Variants in DPP10 observed in about 807,000 individuals in gnomAD.
DPP10 encodes the protein inactive dipeptidyl peptidase 10.
Under a neutral mutation model 120.9 loss-of-function variants are expected in DPP10, and 33 were observed. That is an observed-to-expected ratio of 0.27 (90% CI 0.21 to 0.37). The LOEUF (loss-of-function observed/expected upper bound fraction) is 0.37, where lower values mean the gene tolerates loss of function less well. DPP10 is among the 10% of genes least tolerant of loss of function. The probability of loss-of-function intolerance (pLI) is 1.00; values close to 1 mark genes in which losing one functional copy is unlikely to be tolerated. For missense variants in DPP10, 816 were observed against 942.8 expected, an observed-to-expected ratio of 0.87 and a Z score of 1.76; for synonymous variants, 337 against 326.1, an observed-to-expected ratio of 1.03 and a Z score of -0.36.
At chr2:114,808,615 ACCGTGG>A (rs1295520069) in intron 1 of DPP10, among the ~76,000 whole-genome samples, 2 of 149,194 alleles carry the variant, frequency 1.3e-5, no homozygotes, top group Non-Finnish European at 3.0e-5. Context: ...GAAACCGTTT[ACCGTGG>A]CCTACAGGGC....
chr2:115,071,878 A>G (rs114762121), intron 1 of DPP10, among the ~76,000 whole-genome samples: 467 of 152,144 alleles, frequency 3.1e-3, no homozygotes, highest in Non-Finnish European at 5.5e-3. Flanking sequence ...TTTTTTTTCA[A>G]ATACACAGAT....
chr2:115,814,777 A>ATGT lies in DPP10; in HGVS notation c.1701-13_1701-11dup. ...TCAGTTGCTCTTGTTTTGGTCCAAT[A>ATGT]TGTTGGTATTTGCAGGGATGAAGAA... is the stretch of plus-strand genomic sequence containing the variant. On this transcript the variant is annotated splice_polypyrimidine_tract_variant and intron_variant, in intron 19 of 25. Transcript: ENST00000410059. 12 of 1,510,566 alleles carry ATGT rather than the reference A, an allele frequency of 7.9e-6. No homozygotes were observed. The highest frequency in any genetic ancestry group is 9.9e-6 in the Non-Finnish European group (11 of 1,113,340). The allele number at this position is 1,510,566 out of a possible 1,614,324, so 93.6% of individuals were successfully genotyped here.
At chr2:114,810,408 G>T (rs1406805415) in intron 1 of DPP10, among the ~76,000 whole-genome samples, 3 of 152,128 alleles carry the variant, frequency 2.0e-5, no homozygotes, top group African/African-American at 4.8e-5. Context: ...TGCCATCATG[G>T]GTTAATAATT....
chr2:115,650,452 CAT>C (rs1302590632), intron 5 of DPP10, among the ~76,000 whole-genome samples: 4 of 151,214 alleles, frequency 2.6e-5, no homozygotes, highest in Non-Finnish European at 4.4e-5. Flanking sequence ...TAAAGATAAT[CAT>C]ATTTTTATAA....
At chr2:114,734,977 T>C (rs1391031492) in intron 1 of DPP10, among the ~76,000 whole-genome samples, 1 of 152,218 alleles carries the variant, frequency 6.6e-6, no homozygotes, top group East Asian at 1.9e-4. Context: ...ACCTTCTCCC[T>C]CATGTTCTCA....
intron 12 of DPP10, among the ~76,000 whole-genome samples, chr2:115,763,279 T>C (rs990713128): frequency 3.3e-5 from 5 of 152,186 alleles, no homozygotes; most frequent in African/African-American, 9.6e-5. Context: ...ATATTACGTC[T>C]ATGGCGTTAA....
intron 1 of DPP10, chr2:114,835,171 C>T (rs1307608577): frequency 8.0e-5 from 12 of 150,074 alleles, no homozygotes; most frequent in East Asian, 7.8e-4. Flanking sequence ...CATATCTACA[C>T]ACCTATGTAT....
chr2:115,550,770 G>A (rs186077983), intron 5 of DPP10, among the ~76,000 whole-genome samples: 33 of 152,194 alleles, frequency 2.2e-4, no homozygotes, highest in Admixed American at 8.5e-4. Flanking sequence ...ATCTATTTAT[G>A]TAATTGCTGT....
intron 1 of DPP10, chr2:115,161,704 C>T (rs1339636428): frequency 7.9e-6 from 3 of 381,746 alleles, no homozygotes; most frequent in Non-Finnish European, 1.4e-5. Flanking sequence ...CCGCGGCTCG[C>T]TGCGCTTTGG....
intron 1 of DPP10, among the ~76,000 whole-genome samples, chr2:114,558,065 G>A (rs1363258073): frequency 6.6e-6 from 1 of 152,148 alleles, no homozygotes; most frequent in Non-Finnish European, 1.5e-5. Flanking sequence ...ATGACTGGAA[G>A]TAAAACATTT....
intron 5 of DPP10, among the ~76,000 whole-genome samples, chr2:115,574,603 A>T (rs911214711): frequency 6.6e-6 from 1 of 152,078 alleles, no homozygotes; most frequent in African/African-American, 2.4e-5. Context: ...AATTTGTACT[A>T]CCTCTAACTG....
chr2:115,697,446 A>G (rs1337254081), intron 7 of DPP10, among the ~76,000 whole-genome samples: 1 of 152,090 alleles, frequency 6.6e-6, no homozygotes, highest in Non-Finnish European at 1.5e-5. Context: ...TAACGTAAAA[A>G]TAGGCGTTAA....
chr2:115,761,796 T>G (rs760059879), intron 11 of DPP10, among the ~76,000 whole-genome samples: 1 of 152,130 alleles, frequency 6.6e-6, no homozygotes, highest in African/African-American at 2.4e-5. Context: ...AATAATTTAT[T>G]ATTAACAATT....
intron 7 of DPP10, among the ~76,000 whole-genome samples, chr2:115,717,390 T>TA (rs964296189): frequency 2.0e-5 from 3 of 151,880 alleles, no homozygotes; most frequent in Non-Finnish European, 2.9e-5. Context: ...AAAAAATAAA[T>TA]AAAAAATAAA....
At chr2:114,858,454 A>G (rs951888181) in intron 1 of DPP10, among the ~76,000 whole-genome samples, 1 of 152,242 alleles carries the variant, frequency 6.6e-6, no homozygotes, top group African/African-American at 2.4e-5. Context: ...TTCATGAGTC[A>G]ATTCAACATG....
chr2:115,201,293 T>C (rs530109433), intron 1 of DPP10, among the ~76,000 whole-genome samples: 22 of 151,976 alleles, frequency 1.4e-4, no homozygotes, highest in Non-Finnish European at 2.5e-4. Flanking sequence ...TGAAACCCCA[T>C]CTGTACTAAA....
intron 3 of DPP10, among the ~76,000 whole-genome samples, chr2:115,437,134 C>T (rs2071571283): frequency 6.6e-6 from 1 of 151,876 alleles, no homozygotes; most frequent in Non-Finnish European, 1.5e-5. Context: ...CTAATCTGGC[C>T]TCTTACATGA....
intron 1 of DPP10, among the ~76,000 whole-genome samples, chr2:114,698,277 A>G (rs1700183922): frequency 6.6e-6 from 1 of 151,858 alleles, no homozygotes; most frequent in Non-Finnish European, 1.5e-5. Flanking sequence ...GCCCATAAGG[A>G]AAAAAAATGG....
At chr2:115,362,786 T>G (rs562734569) in intron 3 of DPP10, among the ~76,000 whole-genome samples, 1 of 152,356 alleles carries the variant, frequency 6.6e-6, no homozygotes, top group South Asian at 2.1e-4. Flanking sequence ...TCTAGACCTT[T>G]CCTAGGGAAT....
Sources: allele counts gnomAD v4.1 joint callset (sites outside exome capture counted in the v4.1 genomes callset), GRCh38; gene constraint gnomAD v4.1.1; transcripts MANE v1.5; gene names NCBI Gene and HGNC (gene_info 2026-07-23, HGNC 2026-07-21).